JAGN1: variants seen among roughly 807,000 people sequenced by gnomAD.
JAGN1 encodes protein jagunal homolog 1.
In JAGN1, 13 loss-of-function variants were observed where a neutral mutation model predicts 17.1. The ratio of observed to expected loss-of-function variants is 0.76; its 90% CI spans 0.49 to 1.21. JAGN1 has a LOEUF of 1.21. Among genes scored for constraint, JAGN1 ranks in the 50% most tolerant of loss-of-function variants. JAGN1 has a pLI of 0.00. For synonymous variants in JAGN1, 111 were observed against 91.0 expected (o/e 1.22, Z -1.25); for missense variants, 256 against 234.2 (o/e 1.09, Z -0.61).
At chr3:9,891,428 TAGTG>T (rs199897836) in intron 1 of JAGN1, among the ~76,000 whole-genome samples, 2,246 of 152,114 alleles carry the variant, frequency 0.015, 22 homozygotes, top group Non-Finnish European at 0.025. Context: ...TAGGTTATAA[TAGTG>T]AGCAAAAGCA....
At chr3:9,890,876 C>A in intron 1 of JAGN1, 65 bp downstream of exon 1, 1 of 1,372,654 alleles carries the variant, frequency 7.3e-7, no homozygotes, top group Non-Finnish European at 1.0e-6. Context: ...GCTTGGGGAG[C>A]GACGCCGGCC....
Position 9,890,658 on chromosome 3 carries a change from C to T in JAGN1, c.-65C>T, listed in dbSNP as rs540405749. The T allele has an allele frequency of 1.7e-5, 25 of 1,486,164 alleles. No homozygotes were observed. Among genetic ancestry groups the T allele is most frequent in the Middle Eastern group, 2.0e-4 (1 of 5,068 alleles). 92.1% of individuals were successfully genotyped at this position (1,486,164 alleles called of 1,614,324 possible). A position where few individuals can be genotyped will look rare whatever the true frequency, so the allele number is the denominator to read the frequency against. ...CGGGGGCGCAAATAGGGTCAGTGGGCCGCTTGGCGGTGTCGTTGCGGTACC... is the reference window on the plus strand; with the variant it reads ...CGGGGGCGCAAATAGGGTCAGTGGGTCGCTTGGCGGTGTCGTTGCGGTACC... On this transcript the variant is annotated 5_prime_UTR_variant, in exon 1 of 2. Transcript: ENST00000647897.
Position 9,893,625 on chromosome 3 carries a change from T to A in JAGN1, c.*248T>A. 2.0e-6 allele frequency: 1 copy of A among 490,658 alleles called. No homozygotes were observed. Among genetic ancestry groups the A allele is most frequent in the Non-Finnish European group, 3.6e-6 (1 of 276,988 alleles). The allele number at this position is 490,658 out of a possible 1,614,324, so 30.4% of individuals were successfully genotyped here. A position where few individuals can be genotyped will look rare whatever the true frequency, so the allele number is the denominator to read the frequency against. On this transcript the variant is annotated 3_prime_UTR_variant, in exon 2 of 2. Transcript: ENST00000647897. The stretch of plus-strand genomic sequence containing the variant: ...AGCTGTTTGAAGTTGAACTTTGAGG[T>A]TTTTCTTTAAGAATGAGCTTCGTCC...
At chr3:9,890,930 C>G (rs1342038896) in intron 1 of JAGN1, 119 bp downstream of exon 1, 3 of 841,352 alleles carry the variant, frequency 3.6e-6, no homozygotes, top group Non-Finnish European at 5.6e-6. Context: ...GCTCACCTGC[C>G]AAGTCCCCTC....
At chr3:9,892,885 A>G in intron 1 of JAGN1, 30 bp from the exon 2 acceptor site, 1 of 1,499,186 alleles carries the variant, frequency 6.7e-7, no homozygotes. Flanking sequence ...AAAATTTGAA[A>G]GATACTTCTC....
chr3:9,891,900 G>A (rs1211288982), intron 1 of JAGN1, among the ~76,000 whole-genome samples: 2 of 152,208 alleles, frequency 1.3e-5, no homozygotes, highest in Non-Finnish European at 2.9e-5. Flanking sequence ...GGCGGCCTGA[G>A]TACGTTTCCT....
rs2125061683 is a variant in JAGN1, at chr3:9,894,155, A to C, written c.*778A>C. 1 of 152,360 alleles carries C rather than the reference A, an allele frequency of 6.6e-6. No homozygotes were observed. Among genetic ancestry groups the C allele is most frequent in the South Asian group, 2.1e-4 (1 of 4,832 alleles). The allele number at this position is 152,360 out of a possible 1,614,324, so 9.4% of individuals were successfully genotyped here. A position where few individuals can be genotyped will look rare whatever the true frequency, so the allele number is the denominator to read the frequency against. On this transcript the variant is annotated 3_prime_UTR_variant, in exon 2 of 2. Transcript: ENST00000647897. The stretch of plus-strand genomic sequence containing the variant: ...TATCTTTCAGTGTTAACTGGGTATC[A>C]GTTATGAGTCTACTACTGTATAATG...
intron 1 of JAGN1, 105 bp from the exon 2 acceptor site, chr3:9,892,810 C>A: frequency 1.4e-6 from 1 of 695,108 alleles, no homozygotes; most frequent in Non-Finnish European, 2.5e-6. Flanking sequence ...GGCTTCTAGG[C>A]TGTTTTATTC....
At position 9,890,715 on chromosome 3, in the gene JAGN1, C is replaced by T. The variant is rs1198180928; in HGVS notation, c.-8C>T. On this transcript the variant is annotated 5_prime_UTR_variant, in exon 1 of 2. Transcript: ENST00000647897. Reference sequence around the variant, plus strand: ...GCGTGAGGGGTTCGGGGGTTCTGGGCAGGCACAATGGCGTCTCGAGCAGGC... The same window carrying T: ...GCGTGAGGGGTTCGGGGGTTCTGGGTAGGCACAATGGCGTCTCGAGCAGGC... 1.2e-6 allele frequency: 2 copies of T among 1,605,006 alleles called. No individual in the cohort carries two copies. Among genetic ancestry groups the T allele is most frequent in the South Asian group, 1.1e-5 (1 of 89,170 alleles).
rs1403346948 is a variant in JAGN1 at position 9,890,666 on chromosome 3, C to T, written c.-57C>T. On this transcript the variant is annotated 5_prime_UTR_variant, in exon 1 of 2. Transcript: ENST00000647897. ...CAAATAGGGTCAGTGGGCCGCTTGG[C>T]GGTGTCGTTGCGGTACCAGGTCCGC... is the stretch of plus-strand genomic sequence containing the variant. The T allele has an allele frequency of 1.5e-5, 23 of 1,509,172 alleles. No individual in the cohort carries two copies. The highest frequency in any genetic ancestry group is 2.4e-5 in the East Asian group (1 of 42,220). 93.5% of individuals were successfully genotyped at this position (1,509,172 alleles called of 1,614,324 possible).
In JAGN1 at chr3:9,892,335, ATTG is replaced by A. The variant is rs1317608825; in HGVS notation, c.90-571_90-569del. Among the ~76,000 whole-genome samples, 30 of 115,708 alleles carry A rather than the reference ATTG, an allele frequency of 2.6e-4. No homozygotes were observed. In the East Asian group the frequency reaches 4.3e-3, roughly 17 times the overall value. 75.9% of individuals were successfully genotyped at this position (115,708 alleles called of 152,430 possible). Reference sequence around the variant, plus strand: ...CCAGCCCTGCCTTTTTATTAGTAGTATTGTTGTTGTTTTTTTTTTTTATGGAGA... The same window carrying A: ...CCAGCCCTGCCTTTTTATTAGTAGTATTGTTGTTTTTTTTTTTTATGGAGA... On this transcript the variant is annotated intron_variant, in intron 1 of 1. Coordinates refer to ENST00000647897, the MANE Select transcript of JAGN1 (RefSeq NM_032492.4).
chr3:9,893,398 T>A lies in JAGN1; in HGVS notation c.*21T>A, dbSNP rs1455811710. ...AATGAAGCCTCTTTGGGGTGAAGCC[T>A]GGACATCCCATCGAATGAAAGGACA... On this transcript the variant is annotated 3_prime_UTR_variant, in exon 2 of 2. Coordinates refer to ENST00000647897, the MANE Select transcript of JAGN1 (RefSeq NM_032492.4). The A allele has an allele frequency of 6.4e-7, 1 of 1,555,762 alleles. No homozygotes were observed. The highest frequency in any genetic ancestry group is 1.4e-5 in the African/African-American group (1 of 72,836).
chr3:9,890,912 C>T (rs1029519934), intron 1 of JAGN1, 101 bp downstream of exon 1: 2 of 1,033,716 alleles, frequency 1.9e-6, no homozygotes, highest in African/African-American at 1.6e-5. Flanking sequence ...GCTCCCCAGC[C>T]AGCCCCCGCT....
At position 9,893,876 on chromosome 3, in the gene JAGN1, T is replaced by G. The variant is rs1315442412; in HGVS notation, c.*499T>G. ...ACTGTGCCTTGTGTTTGGGGCTTGATAGAGTGTGAAAGGTGTGTTGCTTGA... is the reference window on the plus strand; with the variant it reads ...ACTGTGCCTTGTGTTTGGGGCTTGAGAGAGTGTGAAAGGTGTGTTGCTTGA... On this transcript the variant is annotated 3_prime_UTR_variant, in exon 2 of 2. Coordinates refer to ENST00000647897, the MANE Select transcript of JAGN1 (RefSeq NM_032492.4). 2 of 163,598 alleles carry G rather than the reference T, an allele frequency of 1.2e-5. No homozygotes were observed. Among genetic ancestry groups the G allele is most frequent in the African/African-American group, 4.8e-5 (2 of 41,506 alleles). 10.1% of individuals were successfully genotyped at this position (163,598 alleles called of 1,614,324 possible).
intron 1 of JAGN1, 112 bp from the exon 2 acceptor site, chr3:9,892,803 T>C (rs2082571707): frequency 1.5e-6 from 1 of 675,184 alleles, no homozygotes; most frequent in Non-Finnish European, 2.6e-6. Context: ...TGTGTCCGGC[T>C]TCTAGGCTGT....
In JAGN1 at chr3:9,890,770, C is replaced by G. The variant is rs754843621; in HGVS notation, c.48C>G (p.Asp16Glu). The change falls in exon 1 of 2, where the codon GAC (aspartate) becomes GAG (glutamate). Residue 16 changes from aspartate to glutamate, a missense_variant. Asp to Glu is a conservative substitution (Grantham distance 45). Coordinates refer to ENST00000647897, the MANE Select transcript of JAGN1 (RefSeq NM_032492.4). The stretch of plus-strand genomic sequence containing the variant: ...GAGCGGCCGGCACCGACGGCAGCGA[C>G]TTTCAGCACCGGGAGCGCGTCGCCA... The part of the protein sequence containing the change: ...GPRAAGTDGS[D>E]FQHRERVAMH... 1.1e-5 allele frequency: 17 copies of G among 1,610,348 alleles called. No homozygotes were observed. In the South Asian group the frequency reaches 1.9e-4, roughly 18 times the overall value.
Position 9,893,476 on chromosome 3 carries a change from G to C in JAGN1, c.*99G>C. The stretch of plus-strand genomic sequence containing the variant: ...TGGTGATTTTAGCAGCTGTGATGTT[G>C]GTACCTGGTGCAGACCAGGCCAAAG... On this transcript the variant is annotated 3_prime_UTR_variant, in exon 2 of 2. Transcript: ENST00000647897. 1 of 1,006,144 alleles carries C rather than the reference G, an allele frequency of 9.9e-7. No individual in the cohort carries two copies. The highest frequency in any genetic ancestry group is 1.4e-6 in the Non-Finnish European group (1 of 701,988). 62.3% of individuals were successfully genotyped at this position (1,006,144 alleles called of 1,614,324 possible).
chr3:9,893,617 CT>C lies in JAGN1; in HGVS notation c.*243del. Reference sequence around the variant, plus strand: ...CAAATTTCAGCTGTTTGAAGTTGAACTTTGAGGTTTTTCTTTAAGAATGAGC... The same window carrying C: ...CAAATTTCAGCTGTTTGAAGTTGAACTTGAGGTTTTTCTTTAAGAATGAGC... On this transcript the variant is annotated 3_prime_UTR_variant, in exon 2 of 2. Transcript: ENST00000647897. 2.0e-6 allele frequency: 1 copy of C among 509,826 alleles called. No homozygotes were observed. The highest frequency in any genetic ancestry group is 2.9e-5 in the South Asian group (1 of 34,848). The allele number at this position is 509,826 out of a possible 1,614,324, so 31.6% of individuals were successfully genotyped here.
chr3:9,892,296 G>T (rs895189521), intron 1 of JAGN1, among the ~76,000 whole-genome samples: 2 of 151,502 alleles, frequency 1.3e-5, no homozygotes, highest in Non-Finnish European at 2.9e-5. Context: ...GATTACAGGC[G>T]TGAGCCACCG....
Sources: allele counts gnomAD v4.1 joint callset (sites outside exome capture counted in the v4.1 genomes callset), GRCh38; gene constraint gnomAD v4.1.1; transcripts MANE v1.5; gene names NCBI Gene and HGNC (gene_info 2026-07-23, HGNC 2026-07-21).